SNAP25: variants seen among roughly 807,000 people sequenced by gnomAD.
The protein encoded by SNAP25 is synaptosome associated protein 25, also known as synaptosomal-associated protein 25.
Under a neutral mutation model 28.7 loss-of-function variants are expected in SNAP25, and 3 were observed. The observed-to-expected ratio is 0.10, with a 90% CI of 0.05 to 0.27. The LOEUF is 0.27. SNAP25 is among the 10% of genes least tolerant of loss of function. The pLI is 1.00. For synonymous variants in SNAP25, 61 were observed against 88.1 expected (o/e 0.69, Z 1.72); for missense variants, 117 against 278.7 (o/e 0.42, Z 4.13).
chr20:10,297,169 A>C (rs2064131448), intron 6 of SNAP25, 119 bp downstream of exon 6: 1 of 1,267,624 alleles, frequency 7.9e-7, no homozygotes, highest in South Asian at 1.8e-5. Flanking sequence ...CATACCTGCT[A>C]AGTGTTCTTT....
intron 1 of SNAP25, among the ~76,000 whole-genome samples, chr20:10,230,272 G>T (rs1478020976): frequency 2.0e-5 from 3 of 152,120 alleles, no homozygotes; most frequent in Non-Finnish European, 4.4e-5. Context: ...AAAGGAAGGG[G>T]TGGAGGGAAT....
In SNAP25 at chr20:10,245,466, G is replaced by A. The variant is rs2063109986; in HGVS notation, c.-64+26489G>A. 3.9e-5 allele frequency among the ~76,000 whole-genome samples: 6 copies of A among 152,288 alleles called. No individual in the cohort carries two copies. In the South Asian group the frequency reaches 1.2e-3, roughly 32 times the overall value. On this transcript the variant is annotated intron_variant, in intron 1 of 7. Coordinates refer to ENST00000254976, the MANE Select transcript of SNAP25 (RefSeq NM_130811.4). ...TAGGTCAGGAGTTTCGTAAGGCAAAGGAAGTTTCTGATTGGGAGAACTTAG... is the reference window on the plus strand; with the variant it reads ...TAGGTCAGGAGTTTCGTAAGGCAAAAGAAGTTTCTGATTGGGAGAACTTAG...
intron 5 of SNAP25, among the ~76,000 whole-genome samples, chr20:10,294,825 C>T (rs1434304788): frequency 6.6e-6 from 1 of 150,844 alleles, no homozygotes. Flanking sequence ...ACCAAGCATT[C>T]CAGTTAGTCA....
At position 10,248,115 on chromosome 20, in the gene SNAP25, A is replaced by G. The variant is rs188529268; in HGVS notation, c.-63-27314A>G. Among the ~76,000 whole-genome samples, 22 of 152,354 alleles carry G rather than the reference A, an allele frequency of 1.4e-4. No homozygotes were observed. In the East Asian group the frequency reaches 3.1e-3, roughly 21 times the overall value. ...ATCTAATCATGTTGAGCCCATGCTT[A>G]TGAGATAATGAAACCTAAAAAGTTG... On this transcript the variant is annotated intron_variant, in intron 1 of 7. Transcript: ENST00000254976.
intron 1 of SNAP25, among the ~76,000 whole-genome samples, chr20:10,259,233 C>G (rs1382193783): frequency 6.6e-6 from 1 of 152,186 alleles, no homozygotes; most frequent in Non-Finnish European, 1.5e-5. Context: ...TCAGATTAAT[C>G]TGAGGAATAA....
intron 1 of SNAP25, among the ~76,000 whole-genome samples, chr20:10,274,992 T>C (rs972588691): frequency 6.6e-6 from 1 of 151,976 alleles, no homozygotes; most frequent in Non-Finnish European, 1.5e-5. Flanking sequence ...GGTGTATACA[T>C]ATGTCAAAAC....
At chr20:10,254,951 T>C (rs1485453414) in intron 1 of SNAP25, among the ~76,000 whole-genome samples, 1 of 152,128 alleles carries the variant, frequency 6.6e-6, no homozygotes, top group Non-Finnish European at 1.5e-5. Context: ...AAAGGGTCTG[T>C]GCCTTCCGAC....
chr20:10,222,063 C>G (rs1165507143), intron 1 of SNAP25, among the ~76,000 whole-genome samples: 1 of 152,198 alleles, frequency 6.6e-6, no homozygotes, highest in Non-Finnish European at 1.5e-5. Flanking sequence ...CAATGTCATC[C>G]CTTGTCAGCA....
chr20:10,248,270 T>G (rs1453232013), intron 1 of SNAP25, among the ~76,000 whole-genome samples: 1 of 152,228 alleles, frequency 6.6e-6, no homozygotes, highest in Non-Finnish European at 1.5e-5. Context: ...TAAAATAGTT[T>G]ATAGCCAACC....
intron 1 of SNAP25, among the ~76,000 whole-genome samples, chr20:10,235,878 G>C (rs551705446): frequency 6.6e-6 from 1 of 152,352 alleles, no homozygotes; most frequent in South Asian, 2.1e-4. Flanking sequence ...AACAGCAAGA[G>C]AGAACAAGCC....
intron 1 of SNAP25, among the ~76,000 whole-genome samples, chr20:10,246,980 C>A (rs539653072): frequency 6.6e-6 from 1 of 152,136 alleles, no homozygotes; most frequent in Non-Finnish European, 1.5e-5. Flanking sequence ...ATGATCATAA[C>A]ATTGTTATGA....
At chr20:10,229,329 A>T (rs1434770817) in intron 1 of SNAP25, among the ~76,000 whole-genome samples, 1 of 152,126 alleles carries the variant, frequency 6.6e-6, no homozygotes, top group African/African-American at 2.4e-5. Flanking sequence ...ATGTGCACAC[A>T]ATACACAAGC....
chr20:10,293,480 C>T lies in SNAP25; in HGVS notation c.281+202C>T, dbSNP rs1366106581. Reference sequence around the variant, plus strand: ...GATGCATTAAAAATCAGGCATACTACAGTGAAAGCTTCACTGTCAGCAACT... The same window carrying T: ...GATGCATTAAAAATCAGGCATACTATAGTGAAAGCTTCACTGTCAGCAACT... On this transcript the variant is annotated intron_variant, in intron 5 of 7. Coordinates refer to ENST00000254976, the MANE Select transcript of SNAP25 (RefSeq NM_130811.4). This position sits in a 1 kb window ranked among gnomAD's most constrained non-coding sequence, Gnocchi z 5.6. Among the ~76,000 whole-genome samples, 1 of 152,208 alleles carries T rather than the reference C, an allele frequency of 6.6e-6. No homozygotes were observed. Among genetic ancestry groups the T allele is most frequent in the Non-Finnish European group, 1.5e-5 (1 of 68,024 alleles).
chr20:10,302,782 C>CT (rs111485537), intron 7 of SNAP25, among the ~76,000 whole-genome samples: 20,217 of 143,088 alleles, frequency 0.14, 1,699 homozygotes, highest in Non-Finnish European at 0.19. Context: ...AGATTCCAGA[C>CT]TTTTTTTTTT....
chr20:10,244,440 G>T (rs1435893392), intron 1 of SNAP25, among the ~76,000 whole-genome samples: 1 of 152,148 alleles, frequency 6.6e-6, no homozygotes, highest in South Asian at 2.1e-4. Flanking sequence ...TTCATAAAAA[G>T]AATTCAAGGT....
chr20:10,276,200 G>A (rs941886190), intron 2 of SNAP25, among the ~76,000 whole-genome samples: 1 of 152,024 alleles, frequency 6.6e-6, no homozygotes, highest in African/African-American at 2.4e-5. Context: ...CTGTGATCTC[G>A]GCTACTTGGG....
At chr20:10,273,896 C>T (rs937499474) in intron 1 of SNAP25, among the ~76,000 whole-genome samples, 1 of 152,150 alleles carries the variant, frequency 6.6e-6, no homozygotes, top group Admixed American at 6.5e-5. Context: ...CCCTTCCCTT[C>T]GATGGCCTGG....
intron 1 of SNAP25, among the ~76,000 whole-genome samples, chr20:10,239,067 G>T (rs2062975962): frequency 6.6e-6 from 1 of 152,172 alleles, no homozygotes; most frequent in Admixed American, 6.5e-5. Flanking sequence ...GACAGAGGTT[G>T]TTGATGGAAA....
chr20:10,297,079 A>C, intron 6 of SNAP25, 29 bp downstream of exon 6: 1 of 1,528,822 alleles, frequency 6.5e-7, no homozygotes, highest in Non-Finnish European at 8.8e-7. Flanking sequence ...ACACTGTAGC[A>C]GTTCTCTATT....
Sources: allele counts gnomAD v4.1 joint callset (sites outside exome capture counted in the v4.1 genomes callset), GRCh38; gene constraint gnomAD v4.1.1; non-coding constraint Gnocchi (gnomAD v3.1); transcripts MANE v1.5; gene names NCBI Gene and HGNC (gene_info 2026-07-23, HGNC 2026-07-21).